Variants in NEK1 observed in about 807,000 individuals in gnomAD.
NEK1 encodes the protein NIMA related kinase 1.
NEK1 carries 137 observed loss-of-function variants against 182.1 expected under a neutral mutation model. The ratio of observed to expected loss-of-function variants is 0.75; its 90% CI spans 0.65 to 0.87. NEK1 has a LOEUF of 0.87. Among genes scored for constraint, NEK1 ranks in the 40% least tolerant of loss-of-function variants. The probability of loss-of-function intolerance (pLI) is 0.00; values close to 1 mark genes in which losing one functional copy is unlikely to be tolerated. For missense variants in NEK1, 1,391 were observed against 1,494.4 expected (o/e 0.93, Z 1.14); for synonymous variants, 513 against 492.2 (o/e 1.04, Z -0.56).
At chr4:169,548,378 C>G (rs369412932) in intron 18 of NEK1, among the ~76,000 whole-genome samples, 1 of 152,344 alleles carries the variant, frequency 6.6e-6, no homozygotes, top group African/African-American at 2.4e-5. Flanking sequence ...CCAGCCAGAT[C>G]TCTCCTGTAT....
chr4:169,549,549 A>C (rs958375392), intron 18 of NEK1, among the ~76,000 whole-genome samples: 2 of 151,848 alleles, frequency 1.3e-5, no homozygotes, highest in African/African-American at 4.8e-5. Flanking sequence ...CAGCCTGCCA[A>C]GTAGCTGGGA....
chr4:169,590,200 C>T (rs1324264662), intron 6 of NEK1, among the ~76,000 whole-genome samples: 1 of 152,068 alleles, frequency 6.6e-6, no homozygotes, highest in Non-Finnish European at 1.5e-5. Context: ...CCCAGCTACT[C>T]GTTGGTCTGA....
At chr4:169,561,621 T>C in intron 15 of NEK1, 66 bp downstream of exon 15, 1 of 1,586,394 alleles carries the variant, frequency 6.3e-7, no homozygotes. Flanking sequence ...GTAATACATT[T>C]AGCAATAAAC....
chr4:169,578,870 C>A (rs1188203823), intron 11 of NEK1, among the ~76,000 whole-genome samples: 1 of 151,958 alleles, frequency 6.6e-6, no homozygotes, highest in Non-Finnish European at 1.5e-5. Flanking sequence ...GCATCTTGAC[C>A]CAGAAACCAG....
At chr4:169,455,129 A>G (rs1472979939) in intron 27 of NEK1, among the ~76,000 whole-genome samples, 1 of 152,172 alleles carries the variant, frequency 6.6e-6, no homozygotes, top group South Asian at 2.1e-4. Context: ...CTGAACAATG[A>G]GATTACTTTG....
At chr4:169,595,214 G>T (rs554850395) in intron 5 of NEK1, among the ~76,000 whole-genome samples, 1 of 152,178 alleles carries the variant, frequency 6.6e-6, no homozygotes, top group South Asian at 2.1e-4. Flanking sequence ...AATGCTAACT[G>T]CTTGATCCAA....
In NEK1 at chr4:169,576,925, T is replaced by A; in HGVS notation, c.1020+3A>T. 1 of 1,594,328 alleles carries A rather than the reference T, an allele frequency of 6.3e-7. No homozygotes were observed. Among genetic ancestry groups the A allele is most frequent in the South Asian group, 1.1e-5 (1 of 89,388 alleles). ...TAACACATGGTATGTAACATGATCATACCTGTTTATGTTTTTGCAGTGGTT... is the reference window on the plus strand; with the variant it reads ...TAACACATGGTATGTAACATGATCAAACCTGTTTATGTTTTTGCAGTGGTT... On this transcript the variant is annotated splice_donor_region_variant and intron_variant, in intron 12 of 35. Transcript: ENST00000507142.
intron 23 of NEK1, among the ~76,000 whole-genome samples, chr4:169,494,941 C>T (rs1182339664): frequency 2.6e-5 from 4 of 151,918 alleles, no homozygotes; most frequent in Admixed American, 1.3e-4. Context: ...TTTGTGATGG[C>T]GTTGTTCTTT....
At chr4:169,559,025 A>G in intron 16 of NEK1, among the ~76,000 whole-genome samples, 1 of 152,192 alleles carries the variant, frequency 6.6e-6, no homozygotes, top group East Asian at 1.9e-4. Context: ...AGAAACTAAC[A>G]TAGAATTTCC....
chr4:169,576,872 T>G, intron 12 of NEK1, 56 bp downstream of exon 12: 2 of 1,459,066 alleles, frequency 1.4e-6, no homozygotes, highest in Non-Finnish European at 1.9e-6. Context: ...TGAGCTGCAA[T>G]GAAATAAGGT....
intron 19 of NEK1, among the ~76,000 whole-genome samples, chr4:169,509,945 A>G (rs1753915189): frequency 6.6e-6 from 1 of 152,124 alleles, no homozygotes; most frequent in Non-Finnish European, 1.5e-5. Context: ...ATCTCTTCCC[A>G]CATCCATTTA....
chr4:169,417,082 T>C (rs570261036), intron 31 of NEK1, among the ~76,000 whole-genome samples: 9 of 152,278 alleles, frequency 5.9e-5, no homozygotes, highest in Admixed American at 3.9e-4. Context: ...CTGACATTAG[T>C]TGGGATGGCA....
At chr4:169,401,881 C>A in intron 32 of NEK1, 21 bp from the exon 33 acceptor site, 1 of 1,576,752 alleles carries the variant, frequency 6.3e-7, no homozygotes. Context: ...AAAAGTATAA[C>A]TAAAAGTTTC....
chr4:169,407,135 T>A (rs1210313858), intron 31 of NEK1, among the ~76,000 whole-genome samples: 3 of 152,192 alleles, frequency 2.0e-5, no homozygotes, highest in Non-Finnish European at 4.4e-5. Context: ...AATCAGGCAG[T>A]GCTAGAAACT....
chr4:169,454,071 A>C (rs1332714683), intron 27 of NEK1, among the ~76,000 whole-genome samples: 2 of 152,170 alleles, frequency 1.3e-5, no homozygotes, highest in Non-Finnish European at 2.9e-5. Context: ...CAAAAACGAG[A>C]AATGGGGAAA....
chr4:169,470,575 G>C (rs1261506120), intron 26 of NEK1, among the ~76,000 whole-genome samples: 1 of 152,078 alleles, frequency 6.6e-6, no homozygotes, highest in Non-Finnish European at 1.5e-5. Context: ...TTCAACCTTG[G>C]GAATCTGACG....
In NEK1 at chr4:169,612,552, A is replaced by T. The variant is rs1413837588; in HGVS notation, c.-503T>A. On this transcript the variant is annotated 5_prime_UTR_variant, in exon 1 of 36. Coordinates refer to ENST00000507142, the MANE Select transcript of NEK1 (RefSeq NM_001199397.3). ...GGCCAGGGTAGGGTAAGGACTCCGC[A>T]ACCTAGGGTCCCAAAACCCTGGAGC... 6.6e-6 allele frequency: 1 copy of T among 152,070 alleles called. No homozygotes were observed. Among genetic ancestry groups the T allele is most frequent in the Non-Finnish European group, 1.5e-5 (1 of 68,066 alleles). 9.4% of individuals were successfully genotyped at this position (152,070 alleles called of 1,614,324 possible). A position where few individuals can be genotyped will look rare whatever the true frequency, so the allele number is the denominator to read the frequency against.
At chr4:169,406,846 T>C in intron 31 of NEK1, 99 bp from the exon 32 acceptor site, 1 of 927,052 alleles carries the variant, frequency 1.1e-6, no homozygotes, top group Non-Finnish European at 1.6e-6. Context: ...TACATATGTG[T>C]AAAATGTAAC....
intron 19 of NEK1, among the ~76,000 whole-genome samples, chr4:169,510,465 A>G (rs1753997256): frequency 6.6e-6 from 1 of 152,130 alleles, no homozygotes; most frequent in African/African-American, 2.4e-5. Flanking sequence ...TACCAATTCT[A>G]TCTCCTAATA....
Sources: allele counts gnomAD v4.1 joint callset (sites outside exome capture counted in the v4.1 genomes callset), GRCh38; gene constraint gnomAD v4.1.1; transcripts MANE v1.5; gene names NCBI Gene and HGNC (gene_info 2026-07-23, HGNC 2026-07-21).